Variants in VWDE observed in about 807,000 individuals in gnomAD.
VWDE encodes the protein von Willebrand factor D and EGF domains.
VWDE carries 207 observed loss-of-function variants against 178.4 expected under a neutral mutation model. That is an observed-to-expected ratio of 1.16 (90% CI 1.04 to 1.30). The LOEUF is 1.30. VWDE is among the 50% of genes most tolerant of loss of function. The probability of loss-of-function intolerance (pLI) is 0.00; values close to 1 mark genes in which losing one functional copy is unlikely to be tolerated. For missense variants in VWDE, 2,287 were observed against 1,901.3 expected (o/e 1.20, Z -3.77); for synonymous variants, 738 against 651.4 (o/e 1.13, Z -2.02).
rs1199062651 is a variant in VWDE, at chr7:12,389,278, C to G, written c.324G>C (p.Lys108Asn). 6.4e-7 allele frequency: 1 copy of G among 1,551,654 alleles called. No homozygotes were observed. Among genetic ancestry groups the G allele is most frequent in the East Asian group, 2.4e-5 (1 of 40,900 alleles). ...SETLPSPGEI[K>N]QLTACATWQF... The stretch of plus-strand genomic sequence containing the variant: ...GCCATGTTGCACAAGCTGTCAATTG[C>G]TTGATCTCCCCAGGAGATGGCAGTG... Residue 108 changes from lysine to asparagine, a missense_variant, in exon 3 of 29, where the codon AAG becomes AAC. Physicochemically the swap from Lys to Asn is moderately conservative, Grantham distance 94. Transcript: ENST00000275358.
At chr7:12,364,277 T>C (rs986788557) in intron 13 of VWDE, among the ~76,000 whole-genome samples, 1 of 151,992 alleles carries the variant, frequency 6.6e-6, no homozygotes, top group Non-Finnish European at 1.5e-5. Flanking sequence ...CCAAGAAGGA[T>C]TAACTACCCT....
intron 1 of VWDE, among the ~76,000 whole-genome samples, chr7:12,399,669 A>T (rs180855270): frequency 5.4e-4 from 82 of 152,284 alleles, no homozygotes; most frequent in African/African-American, 1.8e-3. Context: ...CCGCTAGACA[A>T]TAAAACAAGC....
chr7:12,392,096 G>A (rs1217810726), intron 2 of VWDE, among the ~76,000 whole-genome samples: 1 of 152,130 alleles, frequency 6.6e-6, no homozygotes, highest in East Asian at 1.9e-4. Flanking sequence ...TGGGAAACCA[G>A]TCAGCTGAGA....
intron 28 of VWDE, 90 bp from the exon 29 acceptor site, chr7:12,331,287 A>G (rs1780708626): frequency 3.7e-6 from 4 of 1,072,392 alleles, no homozygotes; most frequent in Non-Finnish European, 5.4e-6. Context: ...TCCCTCTGAC[A>G]TGATACGTAA....
In VWDE at chr7:12,331,162, A is replaced by T. The variant is rs753319294; in HGVS notation, c.*21T>A. Reference sequence around the variant, plus strand: ...TTCCATTCTTAAGATACAGGCTTGTAATTCATATACTTGATGCTACTCAAT... The same window carrying T: ...TTCCATTCTTAAGATACAGGCTTGTTATTCATATACTTGATGCTACTCAAT... On this transcript the variant is annotated 3_prime_UTR_variant, in exon 29 of 29. Transcript: ENST00000275358. 5.7e-5 allele frequency: 87 copies of T among 1,535,080 alleles called. No homozygotes were observed. The highest frequency in any genetic ancestry group is 2.4e-4 in the South Asian group (20 of 81,826).
chr7:12,403,157 A>G (rs1583369442), intron 1 of VWDE, among the ~76,000 whole-genome samples: 2 of 152,230 alleles, frequency 1.3e-5, no homozygotes, highest in East Asian at 1.9e-4. Flanking sequence ...TACAAAAACC[A>G]TAATACAGTA....
intron 16 of VWDE, 146 bp from the exon 17 acceptor site, chr7:12,357,661 A>G: frequency 1.1e-6 from 1 of 890,652 alleles, no homozygotes; most frequent in South Asian, 1.8e-5. Context: ...TTTTTTTAAC[A>G]TTCTGAGTAA....
At chr7:12,401,786 C>G (rs900910490) in intron 1 of VWDE, among the ~76,000 whole-genome samples, 6 of 152,078 alleles carry the variant, frequency 3.9e-5, no homozygotes, top group Admixed American at 3.9e-4. Context: ...ATTTCCACTC[C>G]TAGGCATATA....
chr7:12,331,627 G>T (rs540242929), intron 28 of VWDE, among the ~76,000 whole-genome samples: 2 of 152,068 alleles, frequency 1.3e-5, no homozygotes, highest in South Asian at 4.1e-4. Context: ...TGCTTGTTAT[G>T]TCCCAGGCAC....
chr7:12,386,336 C>G (rs1246287279), intron 3 of VWDE, among the ~76,000 whole-genome samples: 7 of 152,210 alleles, frequency 4.6e-5, no homozygotes, highest in African/African-American at 7.2e-5. Flanking sequence ...TGAGCAGATG[C>G]TGCCCTTTCT....
intron 26 of VWDE, 41 bp downstream of exon 26, chr7:12,336,947 G>A: frequency 6.7e-7 from 1 of 1,495,524 alleles, no homozygotes. Context: ...ACATTCCCAT[G>A]AAGGACGAAA....
chr7:12,336,538 AG>A (rs1781043049), intron 26 of VWDE, among the ~76,000 whole-genome samples: 2 of 152,208 alleles, frequency 1.3e-5, no homozygotes, highest in Non-Finnish European at 2.9e-5. Context: ...TTCTAGTAGC[AG>A]CTAATTTAAA....
chr7:12,390,469 G>C (rs1231654775), intron 2 of VWDE, among the ~76,000 whole-genome samples: 2 of 151,752 alleles, frequency 1.3e-5, no homozygotes, highest in Non-Finnish European at 2.9e-5. Flanking sequence ...CGTTAGCCAG[G>C]TTATAATTCT....
Position 12,370,073 on chromosome 7 carries a change from T to G in VWDE, c.2233A>C (p.Asn745His), listed in dbSNP as rs1218882113. 1 of 1,551,478 alleles carries G rather than the reference T, an allele frequency of 6.4e-7. No homozygotes were observed. The highest frequency in any genetic ancestry group is 8.7e-7 in the Non-Finnish European group (1 of 1,146,920). Reference sequence around the variant, plus strand: ...TGCCGTTTCCATCTGTTTTGTCGATTGTACCTCATTTCTTGGCTGTGGCTT... The same window carrying G: ...TGCCGTTTCCATCTGTTTTGTCGATGGTACCTCATTTCTTGGCTGTGGCTT... ...RGSHSQEMRY[N>H]RQNRWKRQNF... Residue 745 changes from asparagine to histidine, a missense_variant, in exon 12 of 29, where the codon AAT (asparagine) becomes CAT (histidine). Physicochemically the swap from Asn to His is moderately conservative, Grantham distance 68. Coordinates refer to ENST00000275358, the MANE Select transcript of VWDE (RefSeq NM_001135924.3).
Position 12,370,514 on chromosome 7 carries a change from C to A in VWDE, c.1797-5G>T. 6.5e-7 allele frequency: 1 copy of A among 1,534,322 alleles called. No individual in the cohort carries two copies. Among genetic ancestry groups the A allele is most frequent in the East Asian group, 2.5e-5 (1 of 40,762 alleles). ...ATGCTTTTTCCTGGTAAAATCCTTC[C>A]AGATGGAAAACAGGAAAGAATAGTA... On this transcript the variant is annotated splice_polypyrimidine_tract_variant and splice_region_variant and intron_variant, in intron 11 of 28. Transcript: ENST00000275358.
intron 1 of VWDE, among the ~76,000 whole-genome samples, chr7:12,398,660 C>G (rs1784738804): frequency 6.6e-6 from 1 of 152,118 alleles, no homozygotes; most frequent in South Asian, 2.1e-4. Context: ...AGGATGTAGA[C>G]TAAACCCCTG....
chr7:12,385,800 G>C (rs931937336), intron 3 of VWDE, among the ~76,000 whole-genome samples: 7 of 109,888 alleles, frequency 6.4e-5, no homozygotes, highest in African/African-American at 9.1e-5. Flanking sequence ...CAGACATTAA[G>C]AGTAAAAAAA....
intron 6 of VWDE, among the ~76,000 whole-genome samples, 193 bp downstream of exon 6, chr7:12,379,284 T>C (rs1218103725): frequency 4.0e-5 from 6 of 151,162 alleles, no homozygotes; most frequent in Non-Finnish European, 8.9e-5. Context: ...ATCTCAACTT[T>C]AGTTAACAAG....
Position 12,356,299 on chromosome 7 carries a change from C to G in VWDE, c.3557G>C (p.Gly1186Ala). The G allele has an allele frequency of 6.4e-7, 1 of 1,551,380 alleles. No homozygotes were observed. Among genetic ancestry groups the G allele is most frequent in the African/African-American group, 1.4e-5 (1 of 73,052 alleles). Residue 1186 changes from glycine (G) to alanine (A), a missense_variant, in exon 18 of 29, where the codon GGT (glycine) becomes GCT (alanine). Gly to Ala is a moderately conservative substitution (Grantham distance 60, BLOSUM62 0). Transcript: ENST00000275358. ...VTVKSCDCLN[G>A]GSCVSDRNFS... is the part of the protein sequence containing the mutation. Reference sequence around the variant, plus strand: ...GTTCCTATCAGATACACATGATCCACCATTCAAGCAATCACAAGACTTCAC... The same window carrying G: ...GTTCCTATCAGATACACATGATCCAGCATTCAAGCAATCACAAGACTTCAC...
Sources: gnomAD v4.1 joint callset for allele counts (sites outside exome capture counted in the v4.1 genomes callset) on GRCh38, gnomAD v4.1.1 for gene constraint, MANE v1.5 for transcripts, NCBI Gene and HGNC (gene_info 2026-07-23, HGNC 2026-07-21) for gene names.